DOCK11: variants seen among roughly 807,000 people sequenced by gnomAD.
DOCK11 encodes dedicator of cytokinesis 11, also known as dedicator of cytokinesis protein 11.
A neutral mutation model predicts 169.1 loss-of-function variants in DOCK11; 70 were observed. The ratio of observed to expected loss-of-function variants is 0.41; its 90% CI spans 0.34 to 0.51. DOCK11 has a LOEUF of 0.51. Ranked by LOEUF, DOCK11 falls within the 20% of genes least tolerant of loss-of-function variation. The pLI is 0.10. For missense variants in DOCK11, 1,166 were observed against 1,538.8 expected (o/e 0.76, Z 4.05); for synonymous variants, 529 against 541.3 (o/e 0.98, Z 0.32).
At chrX:118,685,510 T>C (rs375777440) in intron 52 of DOCK11, 178 bp from the exon 53 acceptor site, 6 of 479,520 alleles carry the variant, frequency 1.3e-5, no homozygotes, top group East Asian at 4.1e-5. Context: ...ATGCTGCCTT[T>C]GTAATACAGC....
At chrX:118,604,521 C>CTTTT (rs74504860) in intron 23 of DOCK11, among the ~76,000 whole-genome samples, 3 of 38,185 alleles carry the variant, frequency 7.9e-5, no homozygotes, top group African/African-American at 1.1e-4. Context: ...GGTTTGTTTC[C>CTTTT]TTTTTTTTTT....
intron 46 of DOCK11, among the ~76,000 whole-genome samples, chrX:118,675,679 C>T (rs1177350534): frequency 9.2e-6 from 1 of 109,189 alleles, no homozygotes; most frequent in African/African-American, 3.3e-5. Context: ...ATATTCTGCA[C>T]ATGTATCCCC....
intron 1 of DOCK11, among the ~76,000 whole-genome samples, chrX:118,541,750 A>C (rs1191522897): frequency 8.9e-6 from 1 of 112,067 alleles, no homozygotes; most frequent in Non-Finnish European, 1.9e-5. Context: ...AACTGTTACC[A>C]CTACTCTTAT....
chrX:118,495,850 C>A lies in DOCK11; in HGVS notation c.-122C>A, dbSNP rs2057531569. 4 of 257,751 alleles carry A rather than the reference C, an allele frequency of 1.6e-5. No individual in the cohort carries two copies. The highest frequency in any genetic ancestry group is 2.3e-5 in the Non-Finnish European group (4 of 171,670). The allele number at this position is 257,751 out of a possible 1,213,427, so 21.2% of individuals were successfully genotyped here. A position where few individuals can be genotyped will look rare whatever the true frequency, so the allele number is the denominator to read the frequency against. Reference sequence around the variant, plus strand: ...GCGCCGCCGCCGAGCTGCGATGTGGCCGGCCGGCCGGCGAGTAAACAGAGG... The same window carrying A: ...GCGCCGCCGCCGAGCTGCGATGTGGACGGCCGGCCGGCGAGTAAACAGAGG... On this transcript the variant is annotated 5_prime_UTR_variant, in exon 1 of 53. Coordinates refer to ENST00000276202, the MANE Select transcript of DOCK11 (RefSeq NM_144658.4).
chrX:118,631,652 G>C (rs987047595), intron 35 of DOCK11, among the ~76,000 whole-genome samples: 1 of 110,525 alleles, frequency 9.0e-6, no homozygotes, highest in Non-Finnish European at 1.9e-5. Flanking sequence ...TTTTTAAAAA[G>C]AGGCCCAATC....
intron 6 of DOCK11, among the ~76,000 whole-genome samples, chrX:118,556,538 C>T (rs1474270210): frequency 1.9e-5 from 2 of 105,844 alleles, no homozygotes; most frequent in African/African-American, 6.9e-5. Context: ...CACTTGAGGC[C>T]AGAAGTTCAA....
chrX:118,547,374 A>C (rs1417489141), intron 6 of DOCK11, among the ~76,000 whole-genome samples: 2 of 111,191 alleles, frequency 1.8e-5, no homozygotes, highest in Non-Finnish European at 3.8e-5. Context: ...TCCTGTTCTC[A>C]CTTTCATTTT....
intron 1 of DOCK11, among the ~76,000 whole-genome samples, chrX:118,540,771 T>C (rs1303851885): frequency 8.9e-6 from 1 of 111,998 alleles, no homozygotes; most frequent in Admixed American, 9.5e-5. Flanking sequence ...ATGGATGTAG[T>C]GATACTAGAG....
intron 41 of DOCK11, among the ~76,000 whole-genome samples, chrX:118,650,608 A>G (rs1170592262): frequency 1.8e-5 from 2 of 111,873 alleles, no homozygotes; most frequent in Non-Finnish European, 3.8e-5. Flanking sequence ...TGTTAGAGTC[A>G]GCCATCATTA....
intron 35 of DOCK11, among the ~76,000 whole-genome samples, chrX:118,631,498 G>A (rs1024739171): frequency 6.3e-5 from 7 of 111,855 alleles, no homozygotes; most frequent in South Asian, 7.3e-4. Context: ...TAACATTTAT[G>A]GAGTTTCTTC....
intron 6 of DOCK11, 145 bp from the exon 7 acceptor site, chrX:118,561,238 A>G (rs924478604): frequency 6.6e-6 from 3 of 457,036 alleles, no homozygotes; most frequent in African/African-American, 5.0e-5. Flanking sequence ...GAAGATAATG[A>G]TAATTCCTAA....
chrX:118,681,913 CT>C (rs1378729780), intron 51 of DOCK11, 119 bp downstream of exon 51: 2 of 476,578 alleles, frequency 4.2e-6, no homozygotes, highest in Admixed American at 5.0e-5. Context: ...TCTCTGTGGT[CT>C]TTTACAATAT....
intron 35 of DOCK11, 115 bp downstream of exon 35, chrX:118,630,605 A>G (rs780774327): frequency 1.8e-5 from 7 of 397,494 alleles, no homozygotes; most frequent in Non-Finnish European, 3.0e-5. Flanking sequence ...GCACATTATA[A>G]ACAGTTATTT....
chrX:118,497,295 AC>A (rs1323839733), intron 1 of DOCK11, among the ~76,000 whole-genome samples: 1 of 107,880 alleles, frequency 9.3e-6, no homozygotes, highest in African/African-American at 3.7e-5. Flanking sequence ...CAGCAATAAA[AC>A]CCAGCATTAA....
At chrX:118,506,982 G>A in intron 1 of DOCK11, among the ~76,000 whole-genome samples, 1 of 112,294 alleles carries the variant, frequency 8.9e-6, no homozygotes, top group East Asian at 2.8e-4. Flanking sequence ...TGGAAAACAT[G>A]CCGAGTGTTC....
chrX:118,504,556 C>T (rs1011915785), intron 1 of DOCK11, among the ~76,000 whole-genome samples: 2 of 111,853 alleles, frequency 1.8e-5, no homozygotes, highest in East Asian at 2.8e-4. Context: ...TGTTGAAAGA[C>T]GATTAGTTTT....
At position 118,608,056 on chromosome X, in the gene DOCK11, G is replaced by A; in HGVS notation, c.2682-16G>A. 1.7e-6 allele frequency: 2 copies of A among 1,178,014 alleles called. No homozygotes were observed. Among genetic ancestry groups the A allele is most frequent in the East Asian group, 3.0e-5 (1 of 33,680 alleles). ...ATTATAGCATGACATGCTGACTCTT[G>A]TGAATGTCGTTTCAGGGTTCTCTTA... is the stretch of plus-strand genomic sequence containing the variant. On this transcript the variant is annotated splice_polypyrimidine_tract_variant and intron_variant, in intron 24 of 52. Coordinates refer to ENST00000276202, the MANE Select transcript of DOCK11 (RefSeq NM_144658.4).
At chrX:118,605,720 G>A (rs2014479679) in intron 24 of DOCK11, among the ~76,000 whole-genome samples, 2 of 111,675 alleles carry the variant, frequency 1.8e-5, no homozygotes, top group African/African-American at 3.3e-5. Flanking sequence ...ACTATTCTAT[G>A]TGCTCATGAA....
At chrX:118,550,501 G>A (rs2012456810) in intron 6 of DOCK11, among the ~76,000 whole-genome samples, 1 of 111,909 alleles carries the variant, frequency 8.9e-6, no homozygotes, top group African/African-American at 3.2e-5. Context: ...TGGAACTGCA[G>A]TGTTGACACA....
Sources: gnomAD v4.1 joint callset for allele counts (sites outside exome capture counted in the v4.1 genomes callset) on GRCh38, gnomAD v4.1.1 for gene constraint, MANE v1.5 for transcripts, NCBI Gene and HGNC (gene_info 2026-07-23, HGNC 2026-07-21) for gene names.